The following CLSTN1 variants were observed in gnomAD, a reference collection of about 807,000 sequenced individuals.
CLSTN1 encodes the protein calsyntenin 1, also known as calsyntenin-1.
A neutral mutation model predicts 108.3 loss-of-function variants in CLSTN1; 28 were observed. The ratio of observed to expected loss-of-function variants is 0.26; its 90% CI spans 0.19 to 0.35. The LOEUF (loss-of-function observed/expected upper bound fraction) is 0.35. CLSTN1 is among the 10% of genes least tolerant of loss of function. The pLI, the probability that CLSTN1 is intolerant of heterozygous loss-of-function variation, is 1.00. For missense variants in CLSTN1, 1,157 were observed against 1,302.6 expected, an observed-to-expected ratio of 0.89 and a Z score of 1.72; for synonymous variants, 524 against 534.9, an observed-to-expected ratio of 0.98 and a Z score of 0.28.
chr1:9,766,439 C>T (rs752016634), intron 2 of CLSTN1, among the ~76,000 whole-genome samples: 3 of 152,152 alleles, frequency 2.0e-5, no homozygotes, highest in Non-Finnish European at 2.9e-5. Flanking sequence ...CGGAGGATCA[C>T]TTGAGGCCAG....
At chr1:9,792,066 T>C (rs1412448265) in intron 1 of CLSTN1, among the ~76,000 whole-genome samples, 1 of 150,642 alleles carries the variant, frequency 6.6e-6, no homozygotes, top group African/African-American at 2.4e-5. Flanking sequence ...GGAGAATCAT[T>C]TGCTACTCAG....
chr1:9,749,902 T>G lies in CLSTN1; in HGVS notation c.661A>C (p.Asn221His). The G allele has an allele frequency of 6.2e-7, 1 of 1,613,914 alleles. No individual in the cohort carries two copies. The highest frequency in any genetic ancestry group is 8.5e-7 in the Non-Finnish European group (1 of 1,179,920). ...TTCCCGTAGTTTAATTTCTCTGTGT[T>G]TTTTATATAACCTTACAGAGGGCAA... ...FTVDKDGYIK[N>H]TEKLNYGKEH... Residue 221 changes from asparagine to histidine, a missense_variant, in exon 6 of 19, where the codon AAC becomes CAC. Transcript: ENST00000377298.
At chr1:9,813,943 C>CA (rs971394055) in intron 1 of CLSTN1, among the ~76,000 whole-genome samples, 63 of 149,920 alleles carry the variant, frequency 4.2e-4, no homozygotes, top group South Asian at 1.1e-3. Context: ...ACTAAAAATA[C>CA]AAAAAAAAAT....
chr1:9,791,983 T>C (rs1372995007), intron 1 of CLSTN1, among the ~76,000 whole-genome samples: 1 of 150,712 alleles, frequency 6.6e-6, no homozygotes, highest in Non-Finnish European at 1.5e-5. Context: ...ATCATGTCTC[T>C]ACTAAAAATA....
intron 1 of CLSTN1, among the ~76,000 whole-genome samples, chr1:9,818,503 A>C (rs1171950322): frequency 6.7e-6 from 1 of 150,278 alleles, no homozygotes; most frequent in Non-Finnish European, 1.5e-5. Context: ...TAATTTTTGT[A>C]TTTTTAGTAG....
rs1653952770 is a variant in CLSTN1, at chr1:9,795,605, G to C, written c.92-22211C>G. 1.3e-5 allele frequency among the ~76,000 whole-genome samples: 2 copies of C among 151,352 alleles called. 1 individual carries two copies. The highest frequency in any genetic ancestry group is 4.4e-4 in the South Asian group (2 of 4,592). On this transcript the variant is annotated intron_variant, in intron 1 of 18. Transcript: ENST00000377298. ...TAAGAGAACTACAGTACAAGATTGG[G>C]GAAGACATGAAGGAAAAAGAAAAAA...
intron 1 of CLSTN1, among the ~76,000 whole-genome samples, chr1:9,791,410 T>A (rs1653764890): frequency 6.6e-6 from 1 of 151,386 alleles, no homozygotes; most frequent in Non-Finnish European, 1.5e-5. Context: ...TTTAAAATTT[T>A]TTTGTAGAGA....
chr1:9,755,925 A>AT (rs1651784113), intron 3 of CLSTN1, among the ~76,000 whole-genome samples: 1 of 152,182 alleles, frequency 6.6e-6, no homozygotes, highest in African/African-American at 2.4e-5. Context: ...TTCAACAGCT[A>AT]TTTTATCATC....
chr1:9,792,102 A>T (rs1258274878), intron 1 of CLSTN1, among the ~76,000 whole-genome samples: 1 of 151,090 alleles, frequency 6.6e-6, no homozygotes, highest in Non-Finnish European at 1.5e-5. Context: ...GAATCATTTG[A>T]ACCTGCGAGG....
intron 1 of CLSTN1, among the ~76,000 whole-genome samples, chr1:9,782,165 T>C (rs1376913158): frequency 1.3e-5 from 2 of 152,372 alleles, no homozygotes; most frequent in East Asian, 3.9e-4. Flanking sequence ...AACCAGGTCA[T>C]TTTTGTATTG....
At chr1:9,800,660 G>T (rs537216160) in intron 1 of CLSTN1, among the ~76,000 whole-genome samples, 3 of 151,048 alleles carry the variant, frequency 2.0e-5, no homozygotes, top group Admixed American at 1.3e-4. Context: ...AACCCAGGAA[G>T]CGGACCTTGC....
intron 9 of CLSTN1, among the ~76,000 whole-genome samples, chr1:9,741,897 G>C (rs1015928794): frequency 2.0e-5 from 3 of 152,186 alleles, no homozygotes; most frequent in Non-Finnish European, 1.5e-5. Context: ...GGGTGACAGA[G>C]CAAGACTCTA....
chr1:9,816,536 T>TA (rs372892139), intron 1 of CLSTN1, among the ~76,000 whole-genome samples: 79 of 141,198 alleles, frequency 5.6e-4, no homozygotes, highest in South Asian at 4.7e-3. Context: ...AAAGCTGCTT[T>TA]AAAAAAAAAA....
chr1:9,755,332 G>A (rs1250074293), intron 3 of CLSTN1, 23 bp from the exon 4 acceptor site: 2 of 1,581,722 alleles, frequency 1.3e-6, no homozygotes, highest in Non-Finnish European at 1.7e-6. Flanking sequence ...AGCAGAACAG[G>A]TAAGAATTCC....
At chr1:9,819,159 C>A (rs978296956) in intron 1 of CLSTN1, among the ~76,000 whole-genome samples, 9 of 152,048 alleles carry the variant, frequency 5.9e-5, no homozygotes, top group African/African-American at 9.7e-5. Flanking sequence ...GATCTAAGCC[C>A]TCAACCAGAA....
intron 1 of CLSTN1, among the ~76,000 whole-genome samples, chr1:9,812,604 T>C (rs1371472398): frequency 6.6e-6 from 1 of 152,098 alleles, no homozygotes; most frequent in African/African-American, 2.4e-5. Context: ...CCCAGCACTT[T>C]GGGAGGCCGA....
Position 9,749,752 on chromosome 1 carries a change from A to G in CLSTN1, c.799+12T>C, listed in dbSNP as rs561797128. On this transcript the variant is annotated intron_variant, in intron 6 of 18. Transcript: ENST00000377298. ...GAGCAGATGTGAGCGCAGGGGAGAG[A>G]ATGAAGCTCACCTTGCCACCCAGGG... The G allele has an allele frequency of 6.2e-7, 1 of 1,613,906 alleles. No individual in the cohort carries two copies. Among genetic ancestry groups the G allele is most frequent in the South Asian group, 1.1e-5 (1 of 91,052 alleles).
At chr1:9,815,279 C>T (rs759227226) in intron 1 of CLSTN1, among the ~76,000 whole-genome samples, 3 of 152,144 alleles carry the variant, frequency 2.0e-5, no homozygotes, top group Non-Finnish European at 4.4e-5. Context: ...TACCAAGAGC[C>T]CCACAGCAGC....
chr1:9,780,952 T>C, intron 1 of CLSTN1: 1 of 436,200 alleles, frequency 2.3e-6, no homozygotes, highest in South Asian at 3.5e-5. Flanking sequence ...CTTTGATCCA[T>C]CACATGAGGT....
Sources: gnomAD v4.1 joint callset for allele counts (sites outside exome capture counted in the v4.1 genomes callset) on GRCh38, gnomAD v4.1.1 for gene constraint, MANE v1.5 for transcripts, NCBI Gene and HGNC (gene_info 2026-07-23, HGNC 2026-07-21) for gene names.